Variants in TMEM178B observed in about 807,000 individuals in gnomAD.
TMEM178B encodes the protein transmembrane protein 178B.
Under a neutral mutation model 31.0 loss-of-function variants are expected in TMEM178B, and 5 were observed. That is an observed-to-expected ratio of 0.16 (90% CI 0.08 to 0.34). TMEM178B has a LOEUF of 0.34. TMEM178B is among the 10% of genes least tolerant of loss of function. The pLI, the probability that TMEM178B is intolerant of heterozygous loss-of-function variation, is 1.00. For missense variants in TMEM178B, 275 were observed against 400.3 expected, an observed-to-expected ratio of 0.69 and a Z score of 2.67; for synonymous variants, 164 against 164.0, an observed-to-expected ratio of 1.00 and a Z score of 0.00.
intron 2 of TMEM178B, among the ~76,000 whole-genome samples, chr7:141,315,254 A>G (rs146571062): frequency 3.2e-4 from 49 of 152,292 alleles, no homozygotes; most frequent in African/African-American, 1.1e-3. Context: ...AATCTTCTGA[A>G]ATCCCCTCAT....
rs576890745 is a variant in TMEM178B at position 141,335,966 on chromosome 7, G to T, written c.497-101642G>T. On this transcript the variant is annotated intron_variant, in intron 2 of 3. Coordinates refer to ENST00000565468, the MANE Select transcript of TMEM178B (RefSeq NM_001195278.2). The stretch of plus-strand genomic sequence containing the variant: ...GCCATTACTTTGTTGTTTAAAGAAG[G>T]CTTTATGCTTCACAGCTTTAGATCA... 1.4e-3 allele frequency among the ~76,000 whole-genome samples: 206 copies of T among 152,280 alleles called. 1 individual carries two copies. Among genetic ancestry groups the T allele is most frequent in the South Asian group, 4.1e-3 (20 of 4,824 alleles).
At chr7:141,432,938 C>G (rs758546765) in intron 2 of TMEM178B, among the ~76,000 whole-genome samples, 95 of 152,288 alleles carry the variant, frequency 6.2e-4, no homozygotes, top group Admixed American at 1.2e-3. Flanking sequence ...CTGGTCATCC[C>G]CAGAAAGTCT....
In TMEM178B at chr7:141,189,878, G is replaced by T. The variant is rs1005545388; in HGVS notation, c.383-22713G>T. Among the ~76,000 whole-genome samples, 4 of 152,298 alleles carry T rather than the reference G, an allele frequency of 2.6e-5. No homozygotes were observed. The South Asian group carries it at 8.3e-4, about 32-fold the overall frequency. ...GCTGCTGGGCCCTGTGTAGCTGTGCGTGTGGAACCCTGAAGGGCAGGGCTC... is the reference window on the plus strand; with the variant it reads ...GCTGCTGGGCCCTGTGTAGCTGTGCTTGTGGAACCCTGAAGGGCAGGGCTC... On this transcript the variant is annotated intron_variant, in intron 1 of 3. Coordinates refer to ENST00000565468, the MANE Select transcript of TMEM178B (RefSeq NM_001195278.2).
At chr7:141,226,578 C>T (rs1374538657) in intron 2 of TMEM178B, among the ~76,000 whole-genome samples, 6 of 152,084 alleles carry the variant, frequency 3.9e-5, no homozygotes, top group South Asian at 2.1e-4. Context: ...ACTGGCTAGG[C>T]GTGGAGGCTC....
chr7:141,235,797 A>G (rs1797518661), intron 2 of TMEM178B, among the ~76,000 whole-genome samples: 1 of 152,208 alleles, frequency 6.6e-6, no homozygotes, highest in South Asian at 2.1e-4. Context: ...CCGAGCCCTA[A>G]GAAATTGCCA....
chr7:141,144,888 A>G (rs770857382), intron 1 of TMEM178B, among the ~76,000 whole-genome samples: 4 of 152,114 alleles, frequency 2.6e-5, no homozygotes, highest in African/African-American at 4.8e-5. Context: ...TTCACTGACC[A>G]GGCTCAGGGT....
chr7:141,388,242 G>A (rs1286056043), intron 2 of TMEM178B, among the ~76,000 whole-genome samples: 1 of 152,156 alleles, frequency 6.6e-6, no homozygotes, highest in Non-Finnish European at 1.5e-5. Context: ...CAGGCTCATC[G>A]TAGGGTCTCC....
intron 1 of TMEM178B, among the ~76,000 whole-genome samples, chr7:141,142,676 G>C (rs1795793130): frequency 6.6e-6 from 1 of 152,038 alleles, no homozygotes. Flanking sequence ...CAAAGTGCTG[G>C]GATTACAGGC....
chr7:141,090,815 T>C (rs1794868893), intron 1 of TMEM178B, among the ~76,000 whole-genome samples: 2 of 152,182 alleles, frequency 1.3e-5, no homozygotes, highest in East Asian at 1.9e-4. Flanking sequence ...GTTAACAATA[T>C]GTGAGAGAGT....
At chr7:141,407,301 C>G (rs977280863) in intron 2 of TMEM178B, among the ~76,000 whole-genome samples, 1 of 152,162 alleles carries the variant, frequency 6.6e-6, no homozygotes, top group African/African-American at 2.4e-5. Flanking sequence ...TCTGCAGCAA[C>G]CAAATAAAAC....
At chr7:141,441,504 AG>A (rs1339778579) in intron 3 of TMEM178B, among the ~76,000 whole-genome samples, 1 of 152,188 alleles carries the variant, frequency 6.6e-6, no homozygotes, top group Admixed American at 6.5e-5. Context: ...CTCAGGTTGC[AG>A]GCATCTATAA....
At chr7:141,133,725 A>T (rs957533050) in intron 1 of TMEM178B, among the ~76,000 whole-genome samples, 1 of 152,222 alleles carries the variant, frequency 6.6e-6, no homozygotes, top group African/African-American at 2.4e-5. Flanking sequence ...AACCAGGCAC[A>T]TGGAAATTCA....
intron 2 of TMEM178B, among the ~76,000 whole-genome samples, chr7:141,407,736 C>T (rs1161328584): frequency 6.6e-6 from 1 of 152,064 alleles, no homozygotes; most frequent in Non-Finnish European, 1.5e-5. Context: ...AATCTGATGC[C>T]CGAACCTACA....
At chr7:141,090,846 C>A (rs1050250909) in intron 1 of TMEM178B, among the ~76,000 whole-genome samples, 1 of 152,118 alleles carries the variant, frequency 6.6e-6, no homozygotes, top group Non-Finnish European at 1.5e-5. Context: ...AGGGTCTTAC[C>A]GAGAAGCAGA....
In TMEM178B at chr7:141,233,506, G is replaced by A. The variant is rs1221101784; in HGVS notation, c.496+20802G>A. Among the ~76,000 whole-genome samples the A allele has an allele frequency of 3.9e-5, 6 of 152,094 alleles. No individual in the cohort carries two copies. In the East Asian group the frequency reaches 1.2e-3, roughly 29 times the overall value. Reference sequence around the variant, plus strand: ...ACCGTAAGCTCTTCTTCTATTTTGGGCTACTCCTTCTCAGGGTTCCTATGC... The same window carrying A: ...ACCGTAAGCTCTTCTTCTATTTTGGACTACTCCTTCTCAGGGTTCCTATGC... On this transcript the variant is annotated intron_variant, in intron 2 of 3. Transcript: ENST00000565468.
intron 1 of TMEM178B, among the ~76,000 whole-genome samples, chr7:141,106,256 T>C (rs1406457223): frequency 6.6e-6 from 1 of 152,154 alleles, no homozygotes; most frequent in Admixed American, 6.5e-5. Context: ...CCCTGCTTCC[T>C]AGGGAGTGCA....
chr7:141,147,440 G>A (rs1795871805), intron 1 of TMEM178B, among the ~76,000 whole-genome samples: 2 of 152,144 alleles, frequency 1.3e-5, no homozygotes, highest in South Asian at 4.1e-4. Context: ...GGAGGGATGT[G>A]TTAAGATTTT....
chr7:141,080,156 A>T (rs1452942252), intron 1 of TMEM178B, among the ~76,000 whole-genome samples: 1 of 152,234 alleles, frequency 6.6e-6, no homozygotes, highest in Non-Finnish European at 1.5e-5. Flanking sequence ...TTTGTCATAT[A>T]ACTTTTGCTT....
Position 141,074,419 on chromosome 7 carries a change from A to G in TMEM178B, c.109A>G (p.Arg37Gly), listed in dbSNP as rs1196590250. ...GGACCACTGGTACGAGACGGACGCC[A>G]GGAAGCACAGGGACAGGTGCAAGGC... ...CSDHWYETDARKHRDRCKAFN... is the reference protein window; with the variant it reads ...CSDHWYETDAGKHRDRCKAFN... Residue 37 changes from arginine (R) to glycine (G), a missense_variant, in exon 1 of 4, where the codon AGG becomes GGG. By Grantham distance (125) the Arg-to-Gly change is moderately radical. Transcript: ENST00000565468. The surrounding 1 kb of genome is among the most constrained non-coding windows in gnomAD (Gnocchi z 5.1). The G allele has an allele frequency of 2.6e-6, 4 of 1,536,122 alleles. No homozygotes were observed. The highest frequency in any genetic ancestry group is 1.2e-5 in the South Asian group (1 of 84,070).
Sources: gnomAD v4.1 joint callset for allele counts (sites outside exome capture counted in the v4.1 genomes callset) on GRCh38, gnomAD v4.1.1 for gene constraint, Gnocchi (gnomAD v3.1) non-coding constraint, MANE v1.5 for transcripts, NCBI Gene and HGNC (gene_info 2026-07-23, HGNC 2026-07-21) for gene names.